GRM7: variants seen among roughly 807,000 people sequenced by gnomAD.
The protein encoded by GRM7 is metabotropic glutamate receptor 7.
Under a neutral mutation model 84.5 loss-of-function variants are expected in GRM7, and 35 were observed. That is an observed-to-expected ratio of 0.41 (90% CI 0.32 to 0.55). The LOEUF (loss-of-function observed/expected upper bound fraction) is 0.55. GRM7 is among the 20% of genes least tolerant of loss of function. The pLI, the probability that GRM7 is intolerant of heterozygous loss-of-function variation, is 0.19. For synonymous variants in GRM7, 487 were observed against 455.1 expected, an observed-to-expected ratio of 1.07 and a Z score of -0.89; for missense variants, 1,003 against 1,194.6, an observed-to-expected ratio of 0.84 and a Z score of 2.36.
intron 2 of GRM7, among the ~76,000 whole-genome samples, chr3:7,177,182 A>G (rs1377614153): frequency 6.6e-6 from 1 of 152,162 alleles, no homozygotes; most frequent in African/African-American, 2.4e-5. Flanking sequence ...CTGTCTTCTA[A>G]TTATTAAAAT....
chr3:7,438,171 T>A (rs760243256), intron 5 of GRM7, among the ~76,000 whole-genome samples: 1 of 151,942 alleles, frequency 6.6e-6, no homozygotes, highest in Non-Finnish European at 1.5e-5. Context: ...AGTTGACTAC[T>A]GTATGAAAAT....
intron 1 of GRM7, among the ~76,000 whole-genome samples, chr3:6,947,155 T>G (rs200672990): frequency 4.6e-5 from 7 of 151,408 alleles, no homozygotes; most frequent in African/African-American, 4.8e-5. Context: ...ATGCTTCCAG[T>G]TTTTGTCCAT....
At chr3:7,523,678 G>T (rs970400785) in intron 7 of GRM7, among the ~76,000 whole-genome samples, 1 of 152,112 alleles carries the variant, frequency 6.6e-6, no homozygotes, top group African/African-American at 2.4e-5. Context: ...TAAAGGGGAG[G>T]AAATCTTCAA....
intron 1 of GRM7, among the ~76,000 whole-genome samples, chr3:6,880,614 C>A (rs993390594): frequency 7.9e-5 from 12 of 152,066 alleles, no homozygotes; most frequent in African/African-American, 2.9e-4. Flanking sequence ...ATTTTCCTTT[C>A]CAAAATGCCT....
Position 7,680,127 on chromosome 3 carries a change from A to C in GRM7, c.2530A>C (p.Lys844Gln). 6.2e-7 allele frequency: 1 copy of C among 1,614,098 alleles called. No homozygotes were observed. The highest frequency in any genetic ancestry group is 8.5e-7 in the Non-Finnish European group (1 of 1,179,952). ...SVALGMLYMPKVYIIIFHPEL... is the reference protein window; with the variant it reads ...SVALGMLYMPQVYIIIFHPEL... ...GGCGCTGGGGATGCTATACATGCCG[A>C]AAGTGTACATCATCATTTTCCACCC... Residue 844 changes from lysine (K) to glutamine (Q), a missense_variant, in exon 9 of 10, where the codon AAA (lysine) becomes CAA (glutamine). Around this residue, in one of 2 missense-constraint regions of GRM7, gnomAD observed 910 missense variants for 1,126.0 expected, o/e 0.81. Coordinates refer to ENST00000357716, the MANE Select transcript of GRM7 (RefSeq NM_000844.4).
chr3:7,084,382 G>T (rs1298612603), intron 1 of GRM7, among the ~76,000 whole-genome samples: 1 of 152,088 alleles, frequency 6.6e-6, no homozygotes, highest in East Asian at 1.9e-4. Context: ...CTCCCAGAAA[G>T]TTCTGATGCT....
At chr3:7,101,896 T>C (rs958091074) in intron 1 of GRM7, among the ~76,000 whole-genome samples, 2 of 150,826 alleles carry the variant, frequency 1.3e-5, no homozygotes, top group African/African-American at 2.4e-5. Flanking sequence ...GCATCCTTAA[T>C]TTATCACAGT....
intron 1 of GRM7, among the ~76,000 whole-genome samples, chr3:7,142,498 G>A (rs979202663): frequency 6.4e-4 from 98 of 152,054 alleles, no homozygotes; most frequent in African/African-American, 2.2e-3. Context: ...AAAATCATCA[G>A]GTCTTGTGAG....
chr3:7,486,550 G>A lies in GRM7; in HGVS notation c.1515+24828G>A, dbSNP rs182246639. On this transcript the variant is annotated intron_variant, in intron 7 of 9. Transcript: ENST00000357716. The surrounding 1 kb of genome is among the most constrained non-coding windows in gnomAD (Gnocchi z 5.5). ...GACTGGATTATTTGCCAGAAAAGTG[G>A]GGTGCTATACAGCAAGTCTGCCTCA... Among the ~76,000 whole-genome samples, 56 of 152,154 alleles carry A rather than the reference G, an allele frequency of 3.7e-4. No homozygotes were observed. Among genetic ancestry groups the A allele is most frequent in the Non-Finnish European group, 1.5e-5 (1 of 68,002 alleles).
At chr3:7,424,029 T>G (rs576630186) in intron 5 of GRM7, among the ~76,000 whole-genome samples, 1 of 152,276 alleles carries the variant, frequency 6.6e-6, no homozygotes, top group South Asian at 2.1e-4. Context: ...AGTTAAGACT[T>G]GAGTCAGATT....
At chr3:7,718,192 A>C (rs538681852) in intron 9 of GRM7, among the ~76,000 whole-genome samples, 1 of 152,316 alleles carries the variant, frequency 6.6e-6, no homozygotes, top group East Asian at 1.9e-4. Flanking sequence ...TGTGCATAGC[A>C]CTTAGTACCA....
At chr3:7,112,248 A>G (rs1283425625) in intron 1 of GRM7, among the ~76,000 whole-genome samples, 48 of 149,660 alleles carry the variant, frequency 3.2e-4, no homozygotes, top group Non-Finnish European at 4.9e-4. Flanking sequence ...TTTTTGAGAC[A>G]GAGTCTCACT....
intron 2 of GRM7, among the ~76,000 whole-genome samples, chr3:7,203,192 C>G (rs1465343159): frequency 6.6e-6 from 1 of 150,684 alleles, no homozygotes; most frequent in African/African-American, 2.4e-5. Flanking sequence ...CATGAACCAA[C>G]CTCTCTTCAT....
chr3:7,419,174 G>A (rs1208724346), intron 5 of GRM7, among the ~76,000 whole-genome samples: 5 of 152,012 alleles, frequency 3.3e-5, no homozygotes, highest in African/African-American at 4.8e-5. Flanking sequence ...ATTTTTACTG[G>A]GGTGCACACT....
chr3:6,904,869 T>C (rs1168491352), intron 1 of GRM7, among the ~76,000 whole-genome samples: 2 of 152,006 alleles, frequency 1.3e-5, no homozygotes, highest in East Asian at 3.9e-4. Flanking sequence ...TACAGGCACA[T>C]AGCACCCTCC....
rs183769409 is a variant in GRM7, at chr3:7,328,122, C to T, written c.1033+21470C>T. 3.2e-3 allele frequency among the ~76,000 whole-genome samples: 480 copies of T among 152,146 alleles called. 4 individuals carry two copies. Among genetic ancestry groups the T allele is most frequent in the African/African-American group, 0.011 (446 of 41,508 alleles). On this transcript the variant is annotated intron_variant, in intron 4 of 9. Transcript: ENST00000357716. ...CTATGGCACTAAAATTCAGTGACTG[C>T]GGCTTATTTCAACTTTAGAATTAGC...
intron 1 of GRM7, among the ~76,000 whole-genome samples, chr3:7,084,107 C>A (rs1559428418): frequency 6.6e-6 from 1 of 152,024 alleles, no homozygotes; most frequent in Non-Finnish European, 1.5e-5. Context: ...AGAGGAGTAA[C>A]AAAGTTTAAC....
chr3:7,227,939 G>T (rs1294016021), intron 2 of GRM7, among the ~76,000 whole-genome samples: 1 of 152,134 alleles, frequency 6.6e-6, no homozygotes, highest in African/African-American at 2.4e-5. Flanking sequence ...TCAGAATTAG[G>T]TCTCTTCCAT....
chr3:7,680,062 C>G lies in GRM7; in HGVS notation c.2465C>G (p.Thr822Ser). The G allele has an allele frequency of 1.2e-6, 2 of 1,613,992 alleles. No individual in the cohort carries two copies. The highest frequency in any genetic ancestry group is 1.7e-6 in the Non-Finnish European group (2 of 1,179,892). ...TGTGTCTCCTAGCTCTACATACAAA[C>G]TACCACGCTTACAATCTCCATGAAC... ...AQSAEKLYIQ[T>S]TTLTISMNLS... is the part of the protein sequence containing the mutation. The change falls in exon 9 of 10, where the codon ACT (threonine) becomes AGT (serine). Residue 822 changes from threonine (T) to serine (S), a missense_variant. Physicochemically the swap from Thr to Ser is moderately conservative, Grantham distance 58. Transcript: ENST00000357716.
Sources: gnomAD v4.1 joint callset for allele counts (sites outside exome capture counted in the v4.1 genomes callset) on GRCh38, gnomAD v4.1.1 for gene constraint, gnomAD v4.1.1 regional missense constraint, Gnocchi (gnomAD v3.1) non-coding constraint, MANE v1.5 for transcripts, NCBI Gene and HGNC (gene_info 2026-07-23, HGNC 2026-07-21) for gene names.